The following CPEB3 variants were observed in gnomAD, a reference collection of about 807,000 sequenced individuals.
CPEB3 encodes the protein cytoplasmic polyadenylation element binding protein 3.
Under a neutral mutation model 67.2 loss-of-function variants are expected in CPEB3, and 20 were observed. The observed-to-expected ratio is 0.30, with a 90% confidence interval of 0.21 to 0.43. The LOEUF is 0.43. Among genes scored for constraint, CPEB3 ranks in the 20% least tolerant of loss-of-function variants. The pLI is 1.00. For missense variants in CPEB3, 746 were observed against 968.6 expected, an observed-to-expected ratio of 0.77 and a Z score of 3.05; for synonymous variants, 376 against 393.1, an observed-to-expected ratio of 0.96 and a Z score of 0.51.
intron 4 of CPEB3, among the ~76,000 whole-genome samples, chr10:92,153,963 T>C (rs1048043551): frequency 1.3e-5 from 2 of 152,086 alleles, no homozygotes; most frequent in African/African-American, 4.8e-5. Context: ...CTCATTTGCA[T>C]TGTTAAAAGG....
chr10:92,065,639 C>T (rs1842517412), intron 9 of CPEB3, among the ~76,000 whole-genome samples: 1 of 152,074 alleles, frequency 6.6e-6, no homozygotes, highest in Non-Finnish European at 1.5e-5. Context: ...CTGAGAAAAT[C>T]TAAGGGAACA....
chr10:92,052,804 G>A (rs1463056421), intron 9 of CPEB3, among the ~76,000 whole-genome samples: 3 of 152,320 alleles, frequency 2.0e-5, no homozygotes, highest in East Asian at 3.9e-4. Flanking sequence ...GGCTGTGCAC[G>A]TCAAAGCGCA....
intron 6 of CPEB3, among the ~76,000 whole-genome samples, chr10:92,132,472 G>A (rs1845888403): frequency 6.6e-6 from 1 of 152,054 alleles, no homozygotes; most frequent in African/African-American, 2.4e-5. Flanking sequence ...CTTGCAGCGG[G>A]AAAAATCTTT....
intron 2 of CPEB3, among the ~76,000 whole-genome samples, chr10:92,203,980 C>T (rs554797041): frequency 4.8e-4 from 73 of 152,170 alleles, no homozygotes; most frequent in African/African-American, 1.6e-3. Context: ...ACCATATTAC[C>T]CACAAACAGC....
intron 6 of CPEB3, among the ~76,000 whole-genome samples, chr10:92,122,187 G>A (rs2133624009): frequency 6.6e-6 from 1 of 152,286 alleles, no homozygotes; most frequent in East Asian, 1.9e-4. Flanking sequence ...GAGAAAAAAA[G>A]GGAGCAGATT....
chr10:92,055,893 C>G (rs1273641356), intron 9 of CPEB3, among the ~76,000 whole-genome samples: 1 of 152,134 alleles, frequency 6.6e-6, no homozygotes, highest in Non-Finnish European at 1.5e-5. Flanking sequence ...TGGTATGCAC[C>G]TGTAGTCCCA....
At chr10:92,062,785 A>C (rs187883301) in intron 9 of CPEB3, among the ~76,000 whole-genome samples, 1 of 152,376 alleles carries the variant, frequency 6.6e-6, no homozygotes, top group African/African-American at 2.4e-5. Flanking sequence ...TACTTTGGAC[A>C]TACCAGTCTG....
At chr10:92,204,392 T>C (rs1849682080) in intron 2 of CPEB3, 1 of 152,210 alleles carries the variant, frequency 6.6e-6, no homozygotes, top group Non-Finnish European at 1.5e-5. Context: ...GCTGTGTCAA[T>C]TTGGGCTAGC....
At chr10:92,099,693 A>AC (rs1222670658) in intron 7 of CPEB3, among the ~76,000 whole-genome samples, 1 of 145,614 alleles carries the variant, frequency 6.9e-6, no homozygotes, top group African/African-American at 2.5e-5. Flanking sequence ...ATTTCTACTA[A>AC]AAAAAAAAAA....
chr10:92,207,120 C>A (rs1849829917), intron 2 of CPEB3, among the ~76,000 whole-genome samples: 1 of 152,010 alleles, frequency 6.6e-6, no homozygotes, highest in Non-Finnish European at 1.5e-5. Flanking sequence ...GTAGCTGGGA[C>A]CACAGGCATA....
At chr10:92,201,686 G>A (rs969693268) in intron 2 of CPEB3, among the ~76,000 whole-genome samples, 5 of 152,170 alleles carry the variant, frequency 3.3e-5, no homozygotes, top group African/African-American at 1.2e-4. Context: ...GAAGTTTACT[G>A]GGCATTGATT....
intron 4 of CPEB3, among the ~76,000 whole-genome samples, chr10:92,156,157 C>T (rs1230962260): frequency 6.6e-6 from 1 of 152,082 alleles, no homozygotes; most frequent in East Asian, 1.9e-4. Context: ...ACAGCAGAAT[C>T]AGAGGAAAAC....
intron 1 of CPEB3, among the ~76,000 whole-genome samples, chr10:92,286,485 T>C (rs1014070590): frequency 2.7e-4 from 41 of 151,318 alleles, no homozygotes; most frequent in African/African-American, 9.5e-4. Context: ...CTCAGGTGGC[T>C]GAGGCATGAG....
chr10:92,170,352 A>C (rs1230051912), intron 4 of CPEB3, among the ~76,000 whole-genome samples: 2 of 152,210 alleles, frequency 1.3e-5, no homozygotes, highest in African/African-American at 4.8e-5. Flanking sequence ...TCATTTCCTA[A>C]ATTCCTCATC....
intron 1 of CPEB3, among the ~76,000 whole-genome samples, chr10:92,252,762 C>T (rs1295081624): frequency 6.6e-6 from 1 of 151,984 alleles, no homozygotes; most frequent in Non-Finnish European, 1.5e-5. Flanking sequence ...TCAAGTGATC[C>T]TCCCACCTCG....
chr10:92,099,431 C>T (rs1844062431), intron 7 of CPEB3, among the ~76,000 whole-genome samples: 1 of 152,052 alleles, frequency 6.6e-6, no homozygotes, highest in African/African-American at 2.4e-5. Context: ...GGATTATAGG[C>T]ATGAGCCACC....
intron 2 of CPEB3, among the ~76,000 whole-genome samples, chr10:92,218,958 T>C (rs1036839311): frequency 6.6e-6 from 1 of 152,156 alleles, no homozygotes; most frequent in Non-Finnish European, 1.5e-5. Context: ...TATATATCTT[T>C]TTATAATACT....
chr10:92,257,729 T>C (rs1036975695), intron 1 of CPEB3, among the ~76,000 whole-genome samples: 8 of 63,062 alleles, frequency 1.3e-4, no homozygotes, highest in Non-Finnish European at 2.4e-4. Flanking sequence ...ACCTCAACTC[T>C]TTTTTTTTTT....
chr10:92,050,189 C>A lies in CPEB3; in HGVS notation c.*2023G>T, dbSNP rs1455492733. The A allele has an allele frequency of 6.6e-6, 1 of 151,778 alleles. No homozygotes were observed. The highest frequency in any genetic ancestry group is 1.5e-5 in the Non-Finnish European group (1 of 67,864). 9.4% of individuals were successfully genotyped at this position (151,778 alleles called of 1,614,324 possible). A position where few individuals can be genotyped will look rare whatever the true frequency, so the allele number is the denominator to read the frequency against. On this transcript the variant is annotated 3_prime_UTR_variant, in exon 10 of 10. Coordinates refer to ENST00000265997, the MANE Select transcript of CPEB3 (RefSeq NM_014912.5). ...AAACATAGAAAAAAACAAACAAAAC[C>A]ACACCTGGGCTGGAAAAAAGCAATT...
Sources: allele counts gnomAD v4.1 joint callset (sites outside exome capture counted in the v4.1 genomes callset), GRCh38; gene constraint gnomAD v4.1.1; transcripts MANE v1.5; gene names NCBI Gene and HGNC (gene_info 2026-07-23, HGNC 2026-07-21).